LINGO2: variants seen among roughly 807,000 people sequenced by gnomAD.
The protein encoded by LINGO2 is leucine-rich repeat and immunoglobulin-like domain-containing nogo receptor-interacting protein 2.
In LINGO2, 14 loss-of-function variants were observed where a neutral mutation model predicts 30.6. That is an observed-to-expected ratio of 0.46 (90% CI 0.30 to 0.72). The LOEUF (loss-of-function observed/expected upper bound fraction) is 0.72, where lower values mean the gene tolerates loss of function less well. LINGO2 is among the 30% of genes least tolerant of loss of function. LINGO2 has a pLI of 0.07. For missense variants in LINGO2, 729 were observed against 751.7 expected (o/e 0.97, Z 0.35); for synonymous variants, 317 against 288.5 (o/e 1.10, Z -1.00).
the LINGO2 span, among the ~76,000 whole-genome samples, chr9:28,772,856 T>C: frequency 6.6e-6 from 1 of 152,160 alleles, no homozygotes; most frequent in East Asian, 1.9e-4. Flanking sequence ...ATGGCAATAC[T>C]ATCAATCTAC....
the LINGO2 span, among the ~76,000 whole-genome samples, chr9:28,999,919 G>C: frequency 6.6e-6 from 1 of 151,830 alleles, no homozygotes; most frequent in Admixed American, 6.6e-5. Flanking sequence ...TTTAGATCTG[G>C]CTCTTTCCAC....
At chr9:27,949,384 G>A (rs1197492902) in exon 6 of LINGO2, 1 of 1,614,160 alleles carries the variant, frequency 6.2e-7, no homozygotes, top group Non-Finnish European at 8.5e-7. Flanking sequence ...CTGCATTCTA[G>A]CTGGACTGTC....
At chr9:28,013,259 G>A (rs1822650173) in intron 4 of LINGO2, among the ~76,000 whole-genome samples, 1 of 152,044 alleles carries the variant, frequency 6.6e-6, no homozygotes, top group Non-Finnish European at 1.5e-5. Flanking sequence ...CTTTATATAT[G>A]TATTTTAAAT....
At chr9:29,089,625 A>G in the LINGO2 span, among the ~76,000 whole-genome samples, 1 of 152,008 alleles carries the variant, frequency 6.6e-6, no homozygotes, top group African/African-American at 2.4e-5. Flanking sequence ...CTTAATGATC[A>G]TTTTGATCTT....
chr9:28,818,408 A>C, the LINGO2 span, among the ~76,000 whole-genome samples: 1 of 152,222 alleles, frequency 6.6e-6, no homozygotes, highest in Admixed American at 6.5e-5. Context: ...TTTTGAGATG[A>C]AGTCTTGCTC....
At chr9:28,629,687 G>A (rs539904038) in intron 1 of LINGO2, among the ~76,000 whole-genome samples, 43 of 152,142 alleles carry the variant, frequency 2.8e-4, no homozygotes, top group Non-Finnish European at 4.9e-4. Flanking sequence ...TGCATTTTCA[G>A]AATGCTTTCC....
chr9:28,458,926 G>A (rs1022988856), intron 2 of LINGO2, among the ~76,000 whole-genome samples: 1 of 152,086 alleles, frequency 6.6e-6, no homozygotes, highest in Admixed American at 6.6e-5. Flanking sequence ...ATCCTTGTAG[G>A]ATTTGAGATA....
intron 1 of LINGO2, among the ~76,000 whole-genome samples, chr9:28,545,124 C>G (rs2135477789): frequency 1.3e-5 from 2 of 152,122 alleles, no homozygotes; most frequent in South Asian, 4.1e-4. Flanking sequence ...AGATTAAAAT[C>G]ACTTCTAACT....
the LINGO2 span, among the ~76,000 whole-genome samples, chr9:28,913,514 G>A: frequency 6.6e-6 from 1 of 151,914 alleles, no homozygotes; most frequent in South Asian, 2.1e-4. Context: ...TTTGTTCAAG[G>A]ATTCAAACCC....
At chr9:28,094,530 A>T (rs10123472) in intron 4 of LINGO2, among the ~76,000 whole-genome samples, 43,719 of 124,234 alleles carry the variant, frequency 0.35, 6,503 homozygotes, top group Admixed American at 0.41. Flanking sequence ...TGTGTGTGTG[A>T]GAGAGAGAGA....
chr9:28,476,361 C>T (rs539843579), intron 1 of LINGO2, among the ~76,000 whole-genome samples: 61 of 152,266 alleles, frequency 4.0e-4, no homozygotes, highest in Non-Finnish European at 7.6e-4. Flanking sequence ...CTGCAGGCTC[C>T]GCCTCCCGGG....
intron 4 of LINGO2, among the ~76,000 whole-genome samples, chr9:28,093,703 T>G (rs1041556882): frequency 6.6e-6 from 1 of 152,072 alleles, no homozygotes; most frequent in African/African-American, 2.4e-5. Flanking sequence ...GCTGCTAGCC[T>G]AAATAATCCC....
At chr9:28,506,928 T>A (rs1449678173) in intron 1 of LINGO2, among the ~76,000 whole-genome samples, 2 of 152,036 alleles carry the variant, frequency 1.3e-5, no homozygotes, top group African/African-American at 4.8e-5. Flanking sequence ...ATTTTATTTA[T>A]TTTCCTACAT....
intron 3 of LINGO2, among the ~76,000 whole-genome samples, chr9:28,360,326 G>C (rs1000921977): frequency 3.3e-5 from 5 of 152,118 alleles, no homozygotes; most frequent in African/African-American, 1.2e-4. Flanking sequence ...TTTCAGTAGA[G>C]GTAGTTGGGG....
At chr9:28,244,501 A>G (rs1388221956) in intron 4 of LINGO2, among the ~76,000 whole-genome samples, 3 of 152,166 alleles carry the variant, frequency 2.0e-5, no homozygotes, top group Admixed American at 2.0e-4. Context: ...CCTTCAAAAA[A>G]TTAGTGAATC....
intron 1 of LINGO2, among the ~76,000 whole-genome samples, chr9:28,482,444 G>A (rs1826008632): frequency 6.6e-6 from 1 of 152,006 alleles, no homozygotes; most frequent in South Asian, 2.1e-4. Flanking sequence ...GTCTGTTCAT[G>A]TCCTTTGCCC....
intron 1 of LINGO2, among the ~76,000 whole-genome samples, chr9:28,524,347 T>C (rs115172099): frequency 0.012 from 1,848 of 152,280 alleles, 35 homozygotes; most frequent in African/African-American, 0.042. Flanking sequence ...GTTTGTAACT[T>C]AATTAGGCAA....
chr9:28,860,569 A>G, the LINGO2 span, among the ~76,000 whole-genome samples: 3 of 151,668 alleles, frequency 2.0e-5, no homozygotes, highest in Non-Finnish European at 2.9e-5. Flanking sequence ...CTCTCTATAG[A>G]TAGAAGAAAG....
At chr9:28,487,458 A>T (rs917211416) in intron 1 of LINGO2, among the ~76,000 whole-genome samples, 3 of 152,144 alleles carry the variant, frequency 2.0e-5, no homozygotes, top group Non-Finnish European at 2.9e-5. Flanking sequence ...AACAATTCTT[A>T]TGCCAAAATT....
Sources: allele counts gnomAD v4.1 joint callset (sites outside exome capture counted in the v4.1 genomes callset), GRCh38; gene constraint gnomAD v4.1.1; transcripts MANE v1.5; gene names NCBI Gene and HGNC (gene_info 2026-07-23, HGNC 2026-07-21).